PPP6R3: variants seen among roughly 807,000 people sequenced by gnomAD.
The protein encoded by PPP6R3 is protein phosphatase 6 regulatory subunit 3.
PPP6R3 carries 38 observed loss-of-function variants against 110.7 expected under a neutral mutation model. The observed-to-expected ratio is 0.34, with a 90% CI of 0.26 to 0.45. The LOEUF (loss-of-function observed/expected upper bound fraction) is 0.45. Ranked by LOEUF, PPP6R3 falls within the 20% of genes least tolerant of loss-of-function variation. PPP6R3 has a pLI of 1.00. For missense variants in PPP6R3, 870 were observed against 1,062.4 expected, an observed-to-expected ratio of 0.82 and a Z score of 2.52; for synonymous variants, 369 against 373.5, an observed-to-expected ratio of 0.99 and a Z score of 0.14.
At chr11:68,568,438 C>T (rs1408260244) in intron 10 of PPP6R3, among the ~76,000 whole-genome samples, 1 of 152,128 alleles carries the variant, frequency 6.6e-6, no homozygotes, top group Non-Finnish European at 1.5e-5. Context: ...GATTAGATAA[C>T]CAGACCCAAC....
At chr11:68,505,210 A>G (rs1219172706) in intron 1 of PPP6R3, 1 of 152,176 alleles carries the variant, frequency 6.6e-6, no homozygotes, top group Non-Finnish European at 1.5e-5. Context: ...CCTCGGCCAT[A>G]TGGAGGGGTC....
rs1945046217 is a variant in PPP6R3 at position 68,615,216 on chromosome 11, G to C, written c.*2099G>C. ...ACAGGAGCAAGTGTGCCCTCATTTT[G>C]TTTCTACTTTTAATTTCTGTGTGTT... On this transcript the variant is annotated 3_prime_UTR_variant, in exon 24 of 24. Transcript: ENST00000393800. 1 of 389,608 alleles carries C rather than the reference G, an allele frequency of 2.6e-6. No individual in the cohort carries two copies. Among genetic ancestry groups the C allele is most frequent in the Non-Finnish European group, 5.1e-6 (1 of 195,764 alleles). The allele number at this position is 389,608 out of a possible 1,614,324, so 24.1% of individuals were successfully genotyped here.
chr11:68,528,840 T>G (rs1460384924), intron 2 of PPP6R3, among the ~76,000 whole-genome samples: 4 of 152,190 alleles, frequency 2.6e-5, no homozygotes, highest in African/African-American at 9.7e-5. Flanking sequence ...TCAACTAAGC[T>G]TCCTGCATGG....
chr11:68,522,805 A>G (rs1266518806), intron 2 of PPP6R3: 1 of 152,216 alleles, frequency 6.6e-6, no homozygotes, highest in African/African-American at 2.4e-5. Flanking sequence ...ATTCTACTGT[A>G]GGTTGTCTTT....
intron 1 of PPP6R3, among the ~76,000 whole-genome samples, chr11:68,461,888 C>T (rs2098710514): frequency 6.6e-6 from 1 of 152,116 alleles, no homozygotes; most frequent in Non-Finnish European, 1.5e-5. Flanking sequence ...ACAGGGACTC[C>T]AGGTTTCCAA....
At chr11:68,471,323 A>G (rs544465388) in intron 1 of PPP6R3, among the ~76,000 whole-genome samples, 7 of 151,892 alleles carry the variant, frequency 4.6e-5, no homozygotes, top group Admixed American at 3.3e-4. Flanking sequence ...GGAGTCTTCA[A>G]TATTTAGGTG....
At position 68,548,113 on chromosome 11, in the gene PPP6R3, T is replaced by C. The variant is rs1442284770; in HGVS notation, c.461T>C (p.Ile154Thr). Reference sequence around the variant, plus strand: ...AAGCATGATTTTGTAGACCTTATTATAAAGCACATAGGAACTTCTGCTATC... The same window carrying C: ...AAGCATGATTTTGTAGACCTTATTACAAAGCACATAGGAACTTCTGCTATC... ...KKKHDFVDLI[I>T]KHIGTSAIMD... The change falls in exon 5 of 24, where the codon ATA becomes ACA. Residue 154 changes from isoleucine (I) to threonine (T), a missense_variant. Transcript: ENST00000393800. 6.2e-7 allele frequency: 1 copy of C among 1,613,882 alleles called. No homozygotes were observed. The highest frequency in any genetic ancestry group is 1.3e-5 in the African/African-American group (1 of 75,048).
chr11:68,542,298 C>T (rs2099320652), intron 3 of PPP6R3, among the ~76,000 whole-genome samples: 1 of 150,074 alleles, frequency 6.7e-6, no homozygotes. Flanking sequence ...TCTGTGTTCT[C>T]AGGCAAAGGA....
chr11:68,500,946 C>G (rs894543010), intron 1 of PPP6R3, among the ~76,000 whole-genome samples: 2 of 152,234 alleles, frequency 1.3e-5, no homozygotes, highest in Admixed American at 1.3e-4. Flanking sequence ...TTGGAAGGCA[C>G]TTCCGCCGCC....
At chr11:68,570,545 G>C (rs574895443) in intron 11 of PPP6R3, among the ~76,000 whole-genome samples, 16 of 152,334 alleles carry the variant, frequency 1.1e-4, no homozygotes, top group African/African-American at 3.6e-4. Context: ...GCCTACAGCA[G>C]TTGTCACTGA....
intron 2 of PPP6R3, among the ~76,000 whole-genome samples, chr11:68,525,252 T>C (rs2099190403): frequency 6.6e-6 from 1 of 152,052 alleles, no homozygotes; most frequent in Admixed American, 6.5e-5. Flanking sequence ...AAGCCCAGAG[T>C]CTGGCAGTAT....
At chr11:68,486,592 A>G (rs1375993902) in intron 1 of PPP6R3, among the ~76,000 whole-genome samples, 1 of 144,580 alleles carries the variant, frequency 6.9e-6, no homozygotes, top group Non-Finnish European at 1.5e-5. Context: ...CGACAGAGCA[A>G]GACTCTGTCT....
intron 2 of PPP6R3, chr11:68,522,389 G>A (rs2099168451): frequency 6.6e-6 from 1 of 152,262 alleles, no homozygotes; most frequent in South Asian, 2.1e-4. Context: ...TGACATTAAT[G>A]TAGTAGATGA....
chr11:68,523,707 G>GCCCCCCC (rs10608150), intron 2 of PPP6R3, among the ~76,000 whole-genome samples: 1 of 95,956 alleles, frequency 1.0e-5, no homozygotes, highest in African/African-American at 4.1e-5. Flanking sequence ...ATGCCCCCCT[G>GCCCCCCC]CCCCCCCCCC....
At chr11:68,569,715 A>G (rs2099495158) in intron 10 of PPP6R3, 33 bp from the exon 11 acceptor site, 1 of 1,515,916 alleles carries the variant, frequency 6.6e-7, no homozygotes, top group African/African-American at 1.4e-5. Flanking sequence ...ACATTGAGGT[A>G]ACCGAATAAA....
chr11:68,463,111 C>T (rs775084885), intron 1 of PPP6R3, among the ~76,000 whole-genome samples: 10 of 152,060 alleles, frequency 6.6e-5, no homozygotes, highest in Non-Finnish European at 1.3e-4. Flanking sequence ...CAGTGGCTCA[C>T]GCCTGTAATC....
intron 2 of PPP6R3, among the ~76,000 whole-genome samples, chr11:68,534,359 C>CT (rs922096615): frequency 3.9e-5 from 6 of 152,026 alleles, no homozygotes; most frequent in Admixed American, 6.6e-5. Context: ...TCATATATTC[C>CT]TTTTTTTTCT....
At chr11:68,594,347 TGA>T (rs148881935) in intron 18 of PPP6R3, among the ~76,000 whole-genome samples, 16 of 84,628 alleles carry the variant, frequency 1.9e-4, no homozygotes, top group East Asian at 3.4e-4. Flanking sequence ...AGAGAGAGAG[TGA>T]GAGAGAGAGA....
intron 15 of PPP6R3, among the ~76,000 whole-genome samples, chr11:68,584,941 T>C (rs146018408): frequency 1.3e-3 from 198 of 152,294 alleles, no homozygotes; most frequent in Middle Eastern, 0.01. Context: ...GCAAAAAAGG[T>C]CTTGGTTAAT....
Sources: allele counts gnomAD v4.1 joint callset (sites outside exome capture counted in the v4.1 genomes callset), GRCh38; gene constraint gnomAD v4.1.1; transcripts MANE v1.5; gene names NCBI Gene and HGNC (gene_info 2026-07-23, HGNC 2026-07-21).